SSX2IP: variants seen among roughly 807,000 people sequenced by gnomAD.
SSX2IP encodes afadin- and alpha-actinin-binding protein.
In SSX2IP, 55 loss-of-function variants were observed where a neutral mutation model predicts 84.9. The ratio of observed to expected loss-of-function variants is 0.65; its 90% CI spans 0.52 to 0.81. The LOEUF is 0.81. Among genes scored for constraint, SSX2IP ranks in the 30% least tolerant of loss-of-function variants. The probability of loss-of-function intolerance (pLI) is 0.00; values close to 1 mark genes in which losing one functional copy is unlikely to be tolerated. For synonymous variants in SSX2IP, 239 were observed against 234.7 expected (o/e 1.02, Z -0.17); for missense variants, 664 against 705.2 (o/e 0.94, Z 0.66).
chr1:84,660,933 G>A (rs1222470202), intron 8 of SSX2IP, among the ~76,000 whole-genome samples: 1 of 150,234 alleles, frequency 6.7e-6, no homozygotes, highest in East Asian at 1.9e-4. Flanking sequence ...CGGGCATGGT[G>A]GCGGCTGCCT....
chr1:84,652,350 G>C (rs1650375949), intron 11 of SSX2IP: 1 of 176,644 alleles, frequency 5.7e-6, no homozygotes, highest in Non-Finnish European at 1.2e-5. Flanking sequence ...TAGAGGCTGG[G>C]AAGTTGACGC....
chr1:84,661,299 C>T (rs7536572), intron 8 of SSX2IP, among the ~76,000 whole-genome samples: 2 of 151,726 alleles, frequency 1.3e-5, no homozygotes, highest in African/African-American at 4.8e-5. Flanking sequence ...CTGAAACCTA[C>T]GATTTTAACT....
chr1:84,660,315 T>A (rs1411147948), intron 8 of SSX2IP, among the ~76,000 whole-genome samples: 1 of 152,178 alleles, frequency 6.6e-6, no homozygotes, highest in Non-Finnish European at 1.5e-5. Flanking sequence ...GAGGAGGGTT[T>A]AATCACTGAA....
intron 13 of SSX2IP, chr1:84,650,121 C>T (rs1309676516): frequency 3.2e-6 from 2 of 618,222 alleles, no homozygotes; most frequent in East Asian, 2.7e-5. Flanking sequence ...AAAAGACACA[C>T]ATCATATGAT....
intron 8 of SSX2IP, among the ~76,000 whole-genome samples, chr1:84,660,895 CAAAA>C (rs11362631): frequency 1.0e-5 from 1 of 98,050 alleles, no homozygotes; most frequent in East Asian, 3.0e-4. Context: ...TACTAAAATA[CAAAA>C]AAAAAAAAAA....
intron 11 of SSX2IP, among the ~76,000 whole-genome samples, chr1:84,654,634 A>G (rs1370557011): frequency 6.6e-6 from 1 of 152,204 alleles, no homozygotes; most frequent in Non-Finnish European, 1.5e-5. Flanking sequence ...GAAGCTACAG[A>G]GAAAAAGAAT....
rs1420728209 is a variant in SSX2IP at position 84,662,378 on chromosome 1, GAGAA to G, written c.750-7_750-4del. On this transcript the variant is annotated splice_polypyrimidine_tract_variant and splice_region_variant and intron_variant, in intron 7 of 13. Transcript: ENST00000342203. ...TTTTATACATTTCATCTTCATTCCTGAGAAAGAAACTGTCAGTATGAAAATGCAG... is the reference window on the plus strand; with the variant it reads ...TTTTATACATTTCATCTTCATTCCTGAGAAACTGTCAGTATGAAAATGCAG... 3.1e-6 allele frequency: 5 copies of G among 1,605,678 alleles called. No homozygotes were observed. The highest frequency in any genetic ancestry group is 1.3e-5 in the African/African-American group (1 of 74,264).
At chr1:84,654,814 A>G (rs1173516989) in intron 11 of SSX2IP, among the ~76,000 whole-genome samples, 2 of 152,156 alleles carry the variant, frequency 1.3e-5, no homozygotes, top group Non-Finnish European at 2.9e-5. Flanking sequence ...AAGTACTTAT[A>G]CCTGGATTGT....
intron 9 of SSX2IP, 137 bp from the exon 10 acceptor site, chr1:84,656,621 C>T (rs1424402492): frequency 3.3e-5 from 21 of 632,036 alleles, no homozygotes; most frequent in African/African-American, 1.1e-4. Flanking sequence ...AAAGTAGTTA[C>T]GTCCTTTGAC....
chr1:84,689,367 T>C (rs1570765930), intron 1 of SSX2IP, among the ~76,000 whole-genome samples: 1 of 152,208 alleles, frequency 6.6e-6, no homozygotes, highest in East Asian at 1.9e-4. Context: ...AAAAGGTCCA[T>C]GACATCCATC....
rs1570555367 is a variant in SSX2IP at position 84,650,421 on chromosome 1, A to G, written c.1611T>C (p.Leu537=). Residue 537 remains leucine, a synonymous_variant, in exon 13 of 14, where the codon CTT becomes CTC. Transcript: ENST00000342203. ...AGTCTGAAGTGGAAGGTGAAGCAGGAAGAGATTTAGTAAGTTTAGACATGC... is the reference window on the plus strand; with the variant it reads ...AGTCTGAAGTGGAAGGTGAAGCAGGGAGAGATTTAGTAAGTTTAGACATGC... ...PVCMSKLTKS[L]PASPSTSDFC... 6.2e-7 allele frequency: 1 copy of G among 1,614,096 alleles called. No individual in the cohort carries two copies. Among genetic ancestry groups the G allele is most frequent in the Non-Finnish European group, 8.5e-7 (1 of 1,180,048 alleles).
chr1:84,663,829 C>T (rs1652381770), intron 6 of SSX2IP, among the ~76,000 whole-genome samples: 2 of 152,132 alleles, frequency 1.3e-5, no homozygotes, highest in African/African-American at 2.4e-5. Context: ...GCTCTACTTT[C>T]GTGTTTCTTT....
rs1650316898 is a variant in SSX2IP at position 84,651,943 on chromosome 1, T to C, written c.1444A>G (p.Met482Val). 6.2e-7 allele frequency: 1 copy of C among 1,613,942 alleles called. No individual in the cohort carries two copies. The highest frequency in any genetic ancestry group is 8.5e-7 in the Non-Finnish European group (1 of 1,179,960). ...GAGTTCTGGTGGTCAAAGGTAGTCA[T>C]ATTTAGAAACTGCTGCTTTAACCAA... Reference protein sequence around the residue: ...ASWLKQQFLNMTTFDHQNSEN... With the variant: ...ASWLKQQFLNVTTFDHQNSEN... Residue 482 changes from methionine (M) to valine (V), a missense_variant, in exon 12 of 14, where the codon ATG becomes GTG. Coordinates refer to ENST00000342203, the MANE Select transcript of SSX2IP (RefSeq NM_001166293.2).
intron 11 of SSX2IP, among the ~76,000 whole-genome samples, chr1:84,653,817 A>G (rs768316830): frequency 6.6e-6 from 1 of 152,356 alleles, no homozygotes; most frequent in South Asian, 2.1e-4. Context: ...CTGACCATGG[A>G]TAAGAGATAA....
At chr1:84,688,990 C>A (rs1241665074) in intron 1 of SSX2IP, among the ~76,000 whole-genome samples, 1 of 152,210 alleles carries the variant, frequency 6.6e-6, no homozygotes, top group South Asian at 2.1e-4. Context: ...GTTTGAGAAA[C>A]CTTCATTAAC....
intron 1 of SSX2IP, among the ~76,000 whole-genome samples, chr1:84,677,212 T>C (rs1654475062): frequency 6.6e-6 from 1 of 152,246 alleles, no homozygotes. Flanking sequence ...ACTTATATAC[T>C]AATTAAGTTG....
chr1:84,653,073 ACG>A (rs1000896948), intron 11 of SSX2IP, among the ~76,000 whole-genome samples: 1 of 152,130 alleles, frequency 6.6e-6, no homozygotes, highest in Non-Finnish European at 1.5e-5. Flanking sequence ...AATTTCACTT[ACG>A]AAAAAATTAT....
chr1:84,667,226 C>T (rs1223606759), intron 4 of SSX2IP, among the ~76,000 whole-genome samples: 2 of 152,094 alleles, frequency 1.3e-5, no homozygotes, highest in East Asian at 1.9e-4. Flanking sequence ...CATCTGCACA[C>T]ACCCCTCCTT....
intron 1 of SSX2IP, among the ~76,000 whole-genome samples, chr1:84,672,320 C>T (rs745491689): frequency 6.6e-5 from 10 of 151,552 alleles, no homozygotes; most frequent in South Asian, 2.1e-4. Flanking sequence ...AAGGGGAAAG[C>T]GGTTGTGTTG....
Sources: allele counts gnomAD v4.1 joint callset (sites outside exome capture counted in the v4.1 genomes callset), GRCh38; gene constraint gnomAD v4.1.1; transcripts MANE v1.5; gene names NCBI Gene and HGNC (gene_info 2026-07-23, HGNC 2026-07-21).